The following EML1 variants were observed in gnomAD, a reference collection of about 807,000 sequenced individuals.
EML1 encodes echinoderm microtubule-associated protein-like 1.
In EML1, 27 loss-of-function variants were observed where a neutral mutation model predicts 110.4. The ratio of observed to expected loss-of-function variants is 0.24; its 90% CI spans 0.18 to 0.34. EML1 has a LOEUF of 0.34. Among genes scored for constraint, EML1 ranks in the 10% least tolerant of loss-of-function variants. The probability of loss-of-function intolerance (pLI) is 1.00; values close to 1 mark genes in which losing one functional copy is unlikely to be tolerated. For synonymous variants in EML1, 344 were observed against 385.8 expected, an observed-to-expected ratio of 0.89 and a Z score of 1.27; for missense variants, 741 against 1,030.9, an observed-to-expected ratio of 0.72 and a Z score of 3.85.
chr14:99,914,052 A>G, intron 13 of EML1, 127 bp from the exon 14 acceptor site: 3 of 1,118,964 alleles, frequency 2.7e-6, no homozygotes, highest in Middle Eastern at 3.0e-4. Context: ...ATTTGAACGT[A>G]CATTATATAC....
In EML1 at chr14:99,869,784, G is replaced by C. The variant is rs148282316; in HGVS notation, c.383+4138G>C. Reference sequence around the variant, plus strand: ...CACAATAAGTGAGTTCTTGCTCTGAGTTCACTCAAGGTCTGGTTGTTTAAA... The same window carrying C: ...CACAATAAGTGAGTTCTTGCTCTGACTTCACTCAAGGTCTGGTTGTTTAAA... On this transcript the variant is annotated intron_variant, in intron 3 of 21. Coordinates refer to ENST00000262233, the MANE Select transcript of EML1 (RefSeq NM_004434.3). Among the ~76,000 whole-genome samples, 83 of 152,242 alleles carry C rather than the reference G, an allele frequency of 5.5e-4. No individual in the cohort carries two copies. In the East Asian group the frequency reaches 0.014, roughly 26 times the overall value.
At chr14:99,797,839 C>T (rs565850553) in intron 1 of EML1, among the ~76,000 whole-genome samples, 1 of 152,226 alleles carries the variant, frequency 6.6e-6, no homozygotes, top group Admixed American at 6.5e-5. Context: ...CCCAGGAACC[C>T]AATGGTAAAG....
intron 16 of EML1, among the ~76,000 whole-genome samples, chr14:99,920,544 A>C (rs2060112366): frequency 6.6e-6 from 1 of 152,134 alleles, no homozygotes; most frequent in African/African-American, 2.4e-5. Flanking sequence ...ACACAGAGAA[A>C]CCATGTCATA....
intron 1 of EML1, among the ~76,000 whole-genome samples, chr14:99,813,481 G>A (rs1242854467): frequency 1.3e-5 from 2 of 152,174 alleles, no homozygotes; most frequent in Non-Finnish European, 2.9e-5. Flanking sequence ...GTGGGAGGCC[G>A]AGGCAGAAGG....
At position 99,897,205 on chromosome 14, in the gene EML1, C is replaced by T. The variant is rs146448225; in HGVS notation, c.738C>T (p.Thr246=). 4 of 1,612,638 alleles carry T rather than the reference C, an allele frequency of 2.5e-6. No individual in the cohort carries two copies. Among genetic ancestry groups the T allele is most frequent in the East Asian group, 4.5e-5 (2 of 44,786 alleles). ...NNLYLLPTGE[T]VYFIASVVVL... is the part of the protein sequence containing the mutation. ...TGTACTTGCTTCCGACGGGAGAGACCGTCTACTTCATCGCATCCGTGGTGG... is the reference window on the plus strand; with the variant it reads ...TGTACTTGCTTCCGACGGGAGAGACTGTCTACTTCATCGCATCCGTGGTGG... The change falls in exon 7 of 22, where the codon ACC becomes ACT. Residue 246 remains threonine (T), a synonymous_variant. Coordinates refer to ENST00000262233, the MANE Select transcript of EML1 (RefSeq NM_004434.3).
At chr14:99,814,000 C>T (rs1203795489) in intron 1 of EML1, among the ~76,000 whole-genome samples, 1 of 152,116 alleles carries the variant, frequency 6.6e-6, no homozygotes, top group Non-Finnish European at 1.5e-5. Flanking sequence ...CAGAGCAGTG[C>T]AAATTGCAAG....
chr14:99,755,374 A>T (rs1185344898), intron 1 of EML1, among the ~76,000 whole-genome samples: 1 of 152,214 alleles, frequency 6.6e-6, no homozygotes, highest in African/African-American at 2.4e-5. Flanking sequence ...TGTCAGCGTC[A>T]CTTTGAAGCT....
At position 99,940,315 on chromosome 14, in the gene EML1, A is replaced by G. The variant is rs1277995397; in HGVS notation, c.*203A>G. ...CGTGTTCACTTTTGTTGTACAATAT[A>G]TGACACAGTGCACATTGAATACCAA... is the stretch of plus-strand genomic sequence containing the variant. On this transcript the variant is annotated 3_prime_UTR_variant, in exon 22 of 22. Transcript: ENST00000262233. 5 of 559,118 alleles carry G rather than the reference A, an allele frequency of 8.9e-6. No individual in the cohort carries two copies. Among genetic ancestry groups the G allele is most frequent in the Non-Finnish European group, 1.1e-5 (4 of 357,234 alleles). 34.6% of individuals were successfully genotyped at this position (559,118 alleles called of 1,614,324 possible).
intron 2 of EML1, among the ~76,000 whole-genome samples, chr14:99,858,702 A>T (rs9635297): frequency 0.66 from 100,461 of 152,074 alleles, 33,383 homozygotes; most frequent in Non-Finnish European, 0.7. Flanking sequence ...TTGCTGGATG[A>T]TGGTGATGGT....
intron 1 of EML1, among the ~76,000 whole-genome samples, chr14:99,750,162 C>A (rs1312867191): frequency 1.3e-5 from 2 of 152,226 alleles, no homozygotes; most frequent in East Asian, 3.9e-4. Flanking sequence ...GAAAACAAAT[C>A]CATCTCTAAC....
chr14:99,929,251 A>G (rs2060323389), intron 17 of EML1, among the ~76,000 whole-genome samples: 1 of 152,202 alleles, frequency 6.6e-6, no homozygotes, highest in South Asian at 2.1e-4. Context: ...ATTTGAATCT[A>G]GTGTTCTCCC....
intron 1 of EML1, among the ~76,000 whole-genome samples, chr14:99,761,688 G>A (rs1250487315): frequency 6.6e-6 from 1 of 152,088 alleles, no homozygotes; most frequent in Non-Finnish European, 1.5e-5. Context: ...ACTTTGGGAG[G>A]CCGAGGTGGG....
intron 1 of EML1, among the ~76,000 whole-genome samples, chr14:99,755,755 G>A (rs553117196): frequency 3.9e-4 from 59 of 152,296 alleles, no homozygotes; most frequent in Non-Finnish European, 6.3e-4. Context: ...GCCAACCCCC[G>A]CAAGGGGCAG....
chr14:99,757,088 C>G (rs1276107827), intron 1 of EML1, among the ~76,000 whole-genome samples: 1 of 152,226 alleles, frequency 6.6e-6, no homozygotes, highest in African/African-American at 2.4e-5. Context: ...GCCTGTCATC[C>G]AAGCACTTTG....
chr14:99,825,186 A>G (rs964608088), intron 1 of EML1, among the ~76,000 whole-genome samples: 1 of 151,986 alleles, frequency 6.6e-6, no homozygotes, highest in African/African-American at 2.4e-5. Context: ...GGGTCTTGCT[A>G]TGTTGCCCAG....
upstream of EML1, among the ~76,000 whole-genome samples, chr14:99,770,402 T>TCTATCTATCTATCTAC (rs1306841330): frequency 7.2e-5 from 11 of 151,844 alleles, no homozygotes; most frequent in African/African-American, 2.7e-4. Flanking sequence ...TATCTATCTA[T>TCTATCTATCTATCTAC]CTATCTTTTT....
chr14:99,936,750 C>T lies in EML1; in HGVS notation c.2095+416C>T, dbSNP rs902240749. Among the ~76,000 whole-genome samples, 11 of 152,150 alleles carry T rather than the reference C, an allele frequency of 7.2e-5. No individual in the cohort carries two copies. Among genetic ancestry groups the T allele is most frequent in the Admixed American group, 2.6e-4 (4 of 15,292 alleles). On this transcript the variant is annotated intron_variant, in intron 19 of 21. Coordinates refer to ENST00000262233, the MANE Select transcript of EML1 (RefSeq NM_004434.3). The surrounding 1 kb of genome is among the most constrained non-coding windows in gnomAD (Gnocchi z 5.5). ...ATGAAGTCCATCCCCGCTGGGTGGA[C>T]GGCAGCCCTGGGACCCCTCCTCCTC...
In EML1 at chr14:99,745,895, G is replaced by C. The variant is rs141052106; in HGVS notation, c.28+8035G>C. On this transcript the variant is annotated intron_variant, in intron 1 of 10. Transcript: ENST00000554479. ...TGCATGGTGTACTGCCAGGCACTGT[G>C]GTTTGAGGCTAGAGCAGGGAATTCA... Among the ~76,000 whole-genome samples the C allele has an allele frequency of 2.6e-5, 4 of 152,318 alleles. No homozygotes were observed. In the East Asian group the frequency reaches 5.8e-4, roughly 22 times the overall value.
In EML1 at chr14:99,907,736, C is replaced by A; in HGVS notation, c.1104+3C>A. ...AAGAAAAACTAGCAGATGTGAAGGT[C>A]ATGCTCCAAGCCTTTTTTGGGCTGC... On this transcript the variant is annotated splice_donor_region_variant and intron_variant, in intron 10 of 21. Transcript: ENST00000262233. 6.2e-7 allele frequency: 1 copy of A among 1,613,980 alleles called. No individual in the cohort carries two copies. Among genetic ancestry groups the A allele is most frequent in the South Asian group, 1.1e-5 (1 of 91,026 alleles).
Sources: gnomAD v4.1 joint callset for allele counts (sites outside exome capture counted in the v4.1 genomes callset) on GRCh38, gnomAD v4.1.1 for gene constraint, Gnocchi (gnomAD v3.1) non-coding constraint, MANE v1.5 for transcripts, NCBI Gene and HGNC (gene_info 2026-07-23, HGNC 2026-07-21) for gene names.